The following FREM1 variants were observed in gnomAD, a reference collection of about 807,000 sequenced individuals.
The protein encoded by FREM1 is FRAS1-related extracellular matrix protein 1.
FREM1 carries 220 observed loss-of-function variants against 210.1 expected under a neutral mutation model. The ratio of observed to expected loss-of-function variants is 1.05; its 90% CI spans 0.94 to 1.17. The LOEUF (loss-of-function observed/expected upper bound fraction) is 1.17. Ranked by LOEUF, FREM1 falls within the 50% of genes most tolerant of loss-of-function variation. FREM1 has a pLI of 0.00. For missense variants in FREM1, 3,454 were observed against 2,675.5 expected (o/e 1.29, Z -6.42); for synonymous variants, 1,189 against 980.2 (o/e 1.21, Z -3.98).
chr9:14,813,332 T>G (rs552763026), intron 15 of FREM1, among the ~76,000 whole-genome samples: 1 of 152,338 alleles, frequency 6.6e-6, no homozygotes, highest in South Asian at 2.1e-4. Flanking sequence ...CATTTGTTTC[T>G]AGACAGAAAA....
rs1283450997 is a variant in FREM1 at position 14,861,044 on chromosome 9, T to TAC, written c.330-1562_330-1561dup. Among the ~76,000 whole-genome samples the TAC allele has an allele frequency of 5.3e-4, 35 of 66,450 alleles. 1 individual carries two copies. The highest frequency in any genetic ancestry group is 2.2e-3 in the African/African-American group (25 of 11,536). The allele number at this position is 66,450 out of a possible 152,430, so 43.6% of individuals were successfully genotyped here. On this transcript the variant is annotated intron_variant, in intron 3 of 36. Coordinates refer to ENST00000380880, the MANE Select transcript of FREM1 (RefSeq NM_001379081.2). ...ACACATATATACATATATACATATA[T>TAC]ACATATATACATATATACACATATA...
chr9:14,883,726 A>G (rs994828847), intron 1 of FREM1, among the ~76,000 whole-genome samples: 5 of 152,032 alleles, frequency 3.3e-5, no homozygotes, highest in Non-Finnish European at 5.9e-5. Flanking sequence ...GAAAAACAAC[A>G]CTCTAATGGG....
At chr9:14,802,427 G>A (rs1187861377) in intron 19 of FREM1, among the ~76,000 whole-genome samples, 1 of 152,200 alleles carries the variant, frequency 6.6e-6, no homozygotes, top group East Asian at 1.9e-4. Flanking sequence ...GCCAAAGGAT[G>A]CTACTGGATG....
At chr9:14,834,613 T>C (rs1252378626) in intron 10 of FREM1, among the ~76,000 whole-genome samples, 1 of 152,194 alleles carries the variant, frequency 6.6e-6, no homozygotes, top group African/African-American at 2.4e-5. Flanking sequence ...TTTATGGCAA[T>C]CTGGAAATTA....
chr9:14,799,496 GA>G (rs1331367894), intron 20 of FREM1, among the ~76,000 whole-genome samples: 1 of 151,894 alleles, frequency 6.6e-6, no homozygotes, highest in Non-Finnish European at 1.5e-5. Flanking sequence ...TTTTATGTAG[GA>G]AATTTTTATT....
rs751700938 is a variant in FREM1, at chr9:14,784,506, G to C, written c.4306C>G (p.Pro1436Ala). 4 of 1,613,854 alleles carry C rather than the reference G, an allele frequency of 2.5e-6. No individual in the cohort carries two copies. The highest frequency in any genetic ancestry group is 2.2e-5 in the South Asian group (2 of 91,080). Reference protein sequence around the residue: ...PEELLYVITSPPRYGQIEYVH... With the variant: ...PEELLYVITSAPRYGQIEYVH... The stretch of plus-strand genomic sequence containing the variant: ...TATTCGATCTGGCCATATCGCGGAG[G>C]GGAGGTGATGACATAGAGCAGTTCC... The change falls in exon 24 of 37, where the codon CCT becomes GCT. Residue 1436 changes from proline to alanine, a missense_variant. Pro to Ala is a conservative substitution (Grantham distance 27). Transcript: ENST00000380880.
At chr9:14,792,173 G>C (rs956599501) in intron 22 of FREM1, among the ~76,000 whole-genome samples, 1 of 151,882 alleles carries the variant, frequency 6.6e-6, no homozygotes, top group Non-Finnish European at 1.5e-5. Flanking sequence ...AGCCCTCCAA[G>C]TTTCCTTGGA....
chr9:14,875,088 G>C (rs1588526173), intron 1 of FREM1, among the ~76,000 whole-genome samples: 1 of 152,120 alleles, frequency 6.6e-6, no homozygotes, highest in East Asian at 1.9e-4. Flanking sequence ...TTTCTCTCTG[G>C]CTGCCCTTAA....
chr9:14,774,140 T>C (rs762960003), intron 25 of FREM1: 11 of 519,032 alleles, frequency 2.1e-5, no homozygotes, highest in Admixed American at 1.2e-4. Flanking sequence ...ACCTCCTGAC[T>C]GCCAAGGACT....
intron 36 of FREM1, among the ~76,000 whole-genome samples, chr9:14,738,980 A>C (rs1032715257): frequency 7.7e-6 from 1 of 129,814 alleles, no homozygotes; most frequent in Non-Finnish European, 1.6e-5. Context: ...ACTCTACTCC[A>C]GCCTGGGTGA....
At chr9:14,798,787 C>T (rs1351649683) in intron 20 of FREM1, among the ~76,000 whole-genome samples, 4 of 152,044 alleles carry the variant, frequency 2.6e-5, no homozygotes, top group African/African-American at 9.7e-5. Context: ...GATTCTCATG[C>T]CTCAGCCTCC....
In FREM1 at chr9:14,816,961, C is replaced by T. The variant is rs113722080; in HGVS notation, c.2547-90G>A. The T allele has an allele frequency of 5.9e-4, 251 of 425,656 alleles. No homozygotes were observed. In the Middle Eastern group the frequency reaches 0.013, roughly 22 times the overall value. The allele number at this position is 425,656 out of a possible 1,614,324, so 26.4% of individuals were successfully genotyped here. On this transcript the variant is annotated intron_variant, in intron 14 of 36. Coordinates refer to ENST00000380880, the MANE Select transcript of FREM1 (RefSeq NM_001379081.2). ...TACATGAGCTCTTCCAAGGCTTTGG[C>T]CATGTGTTCACTAAATAAATAAATA...
At chr9:14,799,927 C>G (rs1377616771) in intron 20 of FREM1, among the ~76,000 whole-genome samples, 1 of 150,164 alleles carries the variant, frequency 6.7e-6, no homozygotes, top group Non-Finnish European at 1.5e-5. Flanking sequence ...AGATATATCT[C>G]CTAATGCTAT....
At chr9:14,832,170 T>C (rs1344554706) in intron 10 of FREM1, among the ~76,000 whole-genome samples, 1 of 152,196 alleles carries the variant, frequency 6.6e-6, no homozygotes, top group African/African-American at 2.4e-5. Flanking sequence ...GAAAACAGTT[T>C]CCCAAAATTA....
rs773137372 is a variant in FREM1, at chr9:14,804,970, C to T, written c.3457G>A (p.Val1153Met). 7 of 1,611,786 alleles carry T rather than the reference C, an allele frequency of 4.3e-6. No individual in the cohort carries two copies. The highest frequency in any genetic ancestry group is 5.1e-6 in the Non-Finnish European group (6 of 1,177,922). ...PTNDEAPDFV[V>M]QNITVCEGQM... ...ATGTTTCTTACAGTAATATTCTGCA[C>T]TACAAAGTCAGGAGCTTCATCATTT... Residue 1153 changes from valine to methionine, a missense_variant, in exon 19 of 37, where the codon GTG becomes ATG. By Grantham distance (21) the Val-to-Met change is conservative (BLOSUM62 1). Coordinates refer to ENST00000380880, the MANE Select transcript of FREM1 (RefSeq NM_001379081.2).
intron 16 of FREM1, among the ~76,000 whole-genome samples, chr9:14,811,013 A>G (rs1347711710): frequency 6.6e-6 from 1 of 152,228 alleles, no homozygotes; most frequent in Non-Finnish European, 1.5e-5. Flanking sequence ...AAGCAAGAGA[A>G]GGGCCAGAAA....
intron 8 of FREM1, among the ~76,000 whole-genome samples, chr9:14,844,268 CA>C (rs1826206045): frequency 6.6e-6 from 1 of 151,168 alleles, no homozygotes; most frequent in Non-Finnish European, 1.5e-5. Flanking sequence ...CTCTGTCGCC[CA>C]GGCTGGAGTG....
At chr9:14,818,224 C>T (rs916821669) in intron 14 of FREM1, among the ~76,000 whole-genome samples, 1 of 152,216 alleles carries the variant, frequency 6.6e-6, no homozygotes, top group Non-Finnish European at 1.5e-5. Context: ...CCATCATTCA[C>T]TCCGTAGCAA....
At chr9:14,833,027 C>G (rs950574989) in intron 10 of FREM1, among the ~76,000 whole-genome samples, 4 of 152,128 alleles carry the variant, frequency 2.6e-5, no homozygotes, top group Non-Finnish European at 4.4e-5. Flanking sequence ...TCCTTAGGAA[C>G]ATAATCGGTA....
Sources: gnomAD v4.1 joint callset for allele counts (sites outside exome capture counted in the v4.1 genomes callset) on GRCh38, gnomAD v4.1.1 for gene constraint, MANE v1.5 for transcripts, NCBI Gene and HGNC (gene_info 2026-07-23, HGNC 2026-07-21) for gene names.